PRH1: variants seen among roughly 807,000 people sequenced by gnomAD.
The protein encoded by PRH1 is proline rich protein HaeIII subfamily 1.
PRH1 carries 7 observed loss-of-function variants against 7.9 expected under a neutral mutation model. The ratio of observed to expected loss-of-function variants is 0.89; its 90% confidence interval spans 0.50 to 1.67. The LOEUF (loss-of-function observed/expected upper bound fraction) is 1.67, where lower values mean the gene tolerates loss of function less well. Ranked by LOEUF, PRH1 falls within the 40% of genes most tolerant of loss-of-function variation. PRH1 has a pLI of 0.00. For missense variants in PRH1, 109 were observed against 223.6 expected (o/e 0.49, Z 3.27); for synonymous variants, 45 against 80.8 (o/e 0.56, Z 2.38).
chr12:10,977,175 T>C (rs1368011130), intron 1 of PRH1, among the ~76,000 whole-genome samples: 5 of 152,104 alleles, frequency 3.3e-5, no homozygotes, highest in African/African-American at 1.2e-4. Context: ...CAAAAAATAC[T>C]AGCAAACTGA....
chr12:11,020,232 A>C (rs774447643), intron 1 of PRH1, among the ~76,000 whole-genome samples: 2 of 152,196 alleles, frequency 1.3e-5, no homozygotes, highest in Non-Finnish European at 2.9e-5. Context: ...TTATGTGTTC[A>C]TTAACATATC....
At chr12:10,966,305 T>C (rs1208710813) in intron 2 of PRH1, among the ~76,000 whole-genome samples, 3 of 152,206 alleles carry the variant, frequency 2.0e-5, no homozygotes, top group Admixed American at 2.0e-4. Context: ...TGCAGTATTT[T>C]CCCACCACAC....
intron 1 of PRH1, among the ~76,000 whole-genome samples, chr12:11,063,662 T>C (rs1224400228): frequency 6.6e-6 from 1 of 152,080 alleles, no homozygotes; most frequent in Non-Finnish European, 1.5e-5. Context: ...ACCAAGAGTG[T>C]GGGAAATATG....
At chr12:10,990,324 G>C (rs1299660575) in intron 1 of PRH1, among the ~76,000 whole-genome samples, 1 of 152,098 alleles carries the variant, frequency 6.6e-6, no homozygotes, top group African/African-American at 2.4e-5. Flanking sequence ...AAATCAAGGA[G>C]GCCTCAATGA....
At chr12:11,130,842 C>G (rs1410347534) in intron 1 of PRH1, among the ~76,000 whole-genome samples, 1 of 152,176 alleles carries the variant, frequency 6.6e-6, no homozygotes, top group Non-Finnish European at 1.5e-5. Flanking sequence ...GCACAAAACC[C>G]TGTACAACTG....
At chr12:11,125,463 C>G (rs11559491) in intron 1 of PRH1, among the ~76,000 whole-genome samples, 12,139 of 113,456 alleles carry the variant, frequency 0.11, no homozygotes, top group East Asian at 0.39. Context: ...GCTACTGTCA[C>G]AAAATCTGGG....
chr12:11,022,562 A>C lies in PRH1; in HGVS notation c.-126+24458T>G, dbSNP rs542872726. ...AGAATTGATGAAATGATGAGCAGAA[A>C]ACACATCATGTTTGAACAGATAAAA... On this transcript the variant is annotated intron_variant, in intron 1 of 3. Coordinates refer to the PRH1 transcript ENST00000539853. The C allele has an allele frequency of 3.7e-6, 6 of 1,600,188 alleles. No individual in the cohort carries two copies. The South Asian group carries it at 6.6e-5, about 18-fold the overall frequency.
At chr12:11,091,870 G>C in intron 1 of PRH1, 1 of 1,328,390 alleles carries the variant, frequency 7.5e-7, no homozygotes, top group Non-Finnish European at 1.1e-6. Flanking sequence ...TCCTCTTTAA[G>C]TGAAGAAAAA....
chr12:10,889,864 T>C (rs1321238785), intron 2 of PRH1, among the ~76,000 whole-genome samples: 1 of 152,196 alleles, frequency 6.6e-6, no homozygotes, highest in Admixed American at 6.5e-5. Context: ...TCTTAATTTA[T>C]AATTTATAAT....
At chr12:10,912,600 C>A (rs1949916239) in intron 2 of PRH1, among the ~76,000 whole-genome samples, 1 of 151,614 alleles carries the variant, frequency 6.6e-6, no homozygotes, top group African/African-American at 2.4e-5. Context: ...ATTATTTTTA[C>A]TTCCGTTGAG....
chr12:11,044,997 T>C (rs1299356808), intron 1 of PRH1, among the ~76,000 whole-genome samples: 1 of 152,170 alleles, frequency 6.6e-6, no homozygotes, highest in African/African-American at 2.4e-5. Flanking sequence ...CAAACAGGTA[T>C]CTACACTCCC....
At chr12:11,061,277 A>G (rs999387607) in intron 1 of PRH1, 12 of 1,516,388 alleles carry the variant, frequency 7.9e-6, no homozygotes, top group Middle Eastern at 1.8e-4. Flanking sequence ...ATATACATAC[A>G]TTACAGAAAA....
chr12:10,987,237 T>C (rs1030375213), intron 1 of PRH1, among the ~76,000 whole-genome samples: 13 of 152,270 alleles, frequency 8.5e-5, no homozygotes, highest in African/African-American at 2.6e-4. Context: ...GTTTAACCGA[T>C]ACGTAATTTG....
chr12:10,897,197 T>C (rs915780797), intron 2 of PRH1, among the ~76,000 whole-genome samples: 2 of 152,156 alleles, frequency 1.3e-5, no homozygotes, highest in Non-Finnish European at 2.9e-5. Context: ...GCTTTTTAAA[T>C]TCACATTAAT....
At chr12:10,909,111 A>C (rs1188974347) in intron 2 of PRH1, 40 of 1,613,666 alleles carry the variant, frequency 2.5e-5, no homozygotes, top group Non-Finnish European at 3.3e-5. Flanking sequence ...CCAACTTACT[A>C]ATATTTCCCA....
intron 2 of PRH1, chr12:10,896,760 C>CAAAAAAAAAA (rs56317340): frequency 1.8e-5 from 2 of 108,992 alleles, no homozygotes; most frequent in Non-Finnish European, 1.8e-5. Context: ...AGATCCGTCT[C>CAAAAAAAAAA]AAAAAAAAAA....
chr12:11,063,841 G>T (rs542328304), intron 1 of PRH1, among the ~76,000 whole-genome samples: 1 of 152,106 alleles, frequency 6.6e-6, no homozygotes, highest in East Asian at 1.9e-4. Flanking sequence ...AACTAAATAA[G>T]AAAGTGCTCA....
At chr12:10,964,308 T>C (rs1401325948) in intron 2 of PRH1, 1 of 157,252 alleles carries the variant, frequency 6.4e-6, no homozygotes, top group African/African-American at 2.4e-5. Context: ...AGATATACTT[T>C]TGGAAATTAC....
chr12:11,118,942 C>G (rs1945809405), downstream of PRH1, among the ~76,000 whole-genome samples: 1 of 136,224 alleles, frequency 7.3e-6, no homozygotes, highest in Non-Finnish European at 1.5e-5. Flanking sequence ...TTGCAGTGAG[C>G]CGAGATTGCG....
Sources: allele counts gnomAD v4.1 joint callset (sites outside exome capture counted in the v4.1 genomes callset), GRCh38; gene constraint gnomAD v4.1.1; transcripts MANE v1.5; gene names NCBI Gene and HGNC (gene_info 2026-07-23, HGNC 2026-07-21).